Variants in LHPP observed in about 807,000 individuals in gnomAD.
LHPP encodes hLHPP.
In LHPP, 24 loss-of-function variants were observed where a neutral mutation model predicts 30.3. That is an observed-to-expected ratio of 0.79 (90% CI 0.57 to 1.11). LHPP has a LOEUF of 1.11. Among genes scored for constraint, LHPP ranks in the 50% most tolerant of loss-of-function variants. The pLI, the probability that LHPP is intolerant of heterozygous loss-of-function variation, is 0.00. For missense variants in LHPP, 356 were observed against 367.2 expected (o/e 0.97, Z 0.25); for synonymous variants, 150 against 157.1 (o/e 0.95, Z 0.34).
intron 3 of LHPP, among the ~76,000 whole-genome samples, chr10:124,493,050 T>C (rs1953580616): frequency 6.6e-6 from 1 of 151,648 alleles, no homozygotes; most frequent in South Asian, 2.1e-4. Flanking sequence ...AAAAGTTGTC[T>C]CATAATTATT....
chr10:124,484,862 TG>T (rs1482617093), intron 2 of LHPP, among the ~76,000 whole-genome samples: 1 of 152,158 alleles, frequency 6.6e-6, no homozygotes, highest in African/African-American at 2.4e-5. Context: ...TTAGTCTGAA[TG>T]CAAGAACAGA....
At chr10:124,542,084 A>G (rs1014841175) in intron 6 of LHPP, among the ~76,000 whole-genome samples, 1 of 152,010 alleles carries the variant, frequency 6.6e-6, no homozygotes, top group Non-Finnish European at 1.5e-5. Flanking sequence ...CAAAGGCTCC[A>G]TCTGCATTTG....
chr10:124,491,673 CCAG>C (rs1953534958), intron 3 of LHPP, among the ~76,000 whole-genome samples: 1 of 152,168 alleles, frequency 6.6e-6, no homozygotes, highest in African/African-American at 2.4e-5. Context: ...GCCGGTAATC[CCAG>C]CACTTTGGGA....
intron 6 of LHPP, among the ~76,000 whole-genome samples, chr10:124,553,210 C>T (rs762969852): frequency 1.6e-4 from 24 of 147,956 alleles, no homozygotes; most frequent in African/African-American, 3.6e-4. Context: ...CCCCAGAACA[C>T]GGCTGATTTT....
intron 6 of LHPP, among the ~76,000 whole-genome samples, chr10:124,563,350 G>A (rs1948434146): frequency 7.4e-6 from 1 of 135,090 alleles, no homozygotes; most frequent in African/African-American, 2.8e-5. Context: ...AGATCCTGCA[G>A]AAAAAAGAAA....
At chr10:124,526,362 C>T (rs111614709) in intron 6 of LHPP, 20 of 354,858 alleles carry the variant, frequency 5.6e-5, no homozygotes, top group Admixed American at 3.9e-4. Context: ...CGCCTTCTTA[C>T]CCCTACCATT....
chr10:124,520,703 G>A (rs148697589), intron 6 of LHPP, among the ~76,000 whole-genome samples: 179 of 152,340 alleles, frequency 1.2e-3, no homozygotes, highest in African/African-American at 4.0e-3. Context: ...GGGGCTCTGC[G>A]TGTGTAGGTG....
intron 6 of LHPP, among the ~76,000 whole-genome samples, chr10:124,578,531 C>T (rs1036255969): frequency 1.1e-4 from 16 of 152,342 alleles, no homozygotes; most frequent in African/African-American, 2.4e-4. Flanking sequence ...ACTGGTGTGA[C>T]GGGCTCTGAT....
At chr10:124,474,670 G>A (rs1400265388) in intron 1 of LHPP, among the ~76,000 whole-genome samples, 2 of 152,016 alleles carry the variant, frequency 1.3e-5, no homozygotes, top group Non-Finnish European at 2.9e-5. Context: ...CCAAACCACA[G>A]GTCCCATCTG....
Position 124,613,457 on chromosome 10 carries a change from C to T in LHPP, c.*97C>T, listed in dbSNP as rs1949230781. 2 of 805,252 alleles carry T rather than the reference C, an allele frequency of 2.5e-6. No homozygotes were observed. The highest frequency in any genetic ancestry group is 4.1e-6 in the Non-Finnish European group (2 of 491,696). 49.9% of individuals were successfully genotyped at this position (805,252 alleles called of 1,614,324 possible). A position where few individuals can be genotyped will look rare whatever the true frequency, so the allele number is the denominator to read the frequency against. On this transcript the variant is annotated 3_prime_UTR_variant, in exon 7 of 7. Coordinates refer to ENST00000368842, the MANE Select transcript of LHPP (RefSeq NM_022126.4). ...CTCTCCTCCACCCGCCCAGGAGAGC[C>T]CCACCTCCTCCACCCCTGCCTCTCC... is the stretch of plus-strand genomic sequence containing the variant.
Position 124,592,511 on chromosome 10 carries a change from G to GCC in LHPP, c.717-20752_717-20751dup, listed in dbSNP as rs1277338988. ...AAAAGCCCTGACCCCAGAATCCTGAGCCTAAATTGCTGCCAAGTTCCCGAT... is the reference window on the plus strand; with the variant it reads ...AAAAGCCCTGACCCCAGAATCCTGAGCCCCTAAATTGCTGCCAAGTTCCCGAT... On this transcript the variant is annotated intron_variant, in intron 6 of 6. Transcript: ENST00000368842. The surrounding 1 kb of genome is among the most constrained non-coding windows in gnomAD (Gnocchi z 6.2). Among the ~76,000 whole-genome samples the GCC allele has an allele frequency of 2.0e-5, 3 of 152,212 alleles. No individual in the cohort carries two copies. Among genetic ancestry groups the GCC allele is most frequent in the African/African-American group, 7.2e-5 (3 of 41,464 alleles).
chr10:124,498,823 C>G, intron 5 of LHPP: 3 of 378,252 alleles, frequency 7.9e-6, no homozygotes, highest in East Asian at 1.6e-4. Flanking sequence ...CAGGCCCCCC[C>G]CCCGCCAACC....
At chr10:124,613,186 T>G in intron 6 of LHPP, 78 bp from the exon 7 acceptor site, 1 of 1,121,020 alleles carries the variant, frequency 8.9e-7, no homozygotes, top group Non-Finnish European at 1.4e-6. Flanking sequence ...CAGGCCCATG[T>G]TAGATGCTGG....
intron 2 of LHPP, among the ~76,000 whole-genome samples, chr10:124,485,603 G>GT (rs1953301122): frequency 1.9e-5 from 2 of 103,602 alleles, no homozygotes; most frequent in Non-Finnish European, 2.5e-5. Flanking sequence ...GAATAGTTTT[G>GT]GTTTTTTTTT....
At chr10:124,466,263 T>C (rs1023813131) in intron 1 of LHPP, among the ~76,000 whole-genome samples, 7 of 152,206 alleles carry the variant, frequency 4.6e-5, no homozygotes, top group African/African-American at 1.7e-4. Context: ...GGATGCACGG[T>C]GCGCTGTTTC....
intron 5 of LHPP, among the ~76,000 whole-genome samples, chr10:124,513,123 C>T (rs1036364240): frequency 1.3e-5 from 2 of 152,122 alleles, no homozygotes; most frequent in Non-Finnish European, 2.9e-5. Context: ...GAGTTTTGCT[C>T]TTCTCGCCCA....
chr10:124,602,334 G>A (rs1949034626), intron 6 of LHPP, among the ~76,000 whole-genome samples: 2 of 152,362 alleles, frequency 1.3e-5, no homozygotes, highest in African/African-American at 4.8e-5. Flanking sequence ...ACATAGAGAC[G>A]CCACCCACAG....
chr10:124,580,397 T>C (rs1225679626), intron 6 of LHPP, among the ~76,000 whole-genome samples: 1 of 152,238 alleles, frequency 6.6e-6, no homozygotes, highest in Non-Finnish European at 1.5e-5. Context: ...AAAGATTTGC[T>C]TTGCACATTC....
intron 6 of LHPP, among the ~76,000 whole-genome samples, chr10:124,599,535 C>T (rs530584890): frequency 1.3e-5 from 2 of 152,386 alleles, no homozygotes; most frequent in South Asian, 2.1e-4. Flanking sequence ...GGGTTCCGTA[C>T]TCCCTGCCAG....
Sources: gnomAD v4.1 joint callset for allele counts (sites outside exome capture counted in the v4.1 genomes callset) on GRCh38, gnomAD v4.1.1 for gene constraint, Gnocchi (gnomAD v3.1) non-coding constraint, MANE v1.5 for transcripts, NCBI Gene and HGNC (gene_info 2026-07-23, HGNC 2026-07-21) for gene names.